Variants in CLVS1 observed in about 807,000 individuals in gnomAD.
The protein encoded by CLVS1 is clavesin-1.
In CLVS1, 10 loss-of-function variants were observed where a neutral mutation model predicts 33.1. The ratio of observed to expected loss-of-function variants is 0.30; its 90% CI spans 0.19 to 0.51. The LOEUF is 0.51. Among genes scored for constraint, CLVS1 ranks in the 20% least tolerant of loss-of-function variants. CLVS1 has a pLI of 0.97. For synonymous variants in CLVS1, 163 were observed against 166.1 expected (o/e 0.98, Z 0.14); for missense variants, 343 against 433.4 (o/e 0.79, Z 1.85).
intron 1 of CLVS1, among the ~76,000 whole-genome samples, chr8:61,131,457 G>A (rs373286585): frequency 8.5e-5 from 13 of 152,268 alleles, no homozygotes; most frequent in African/African-American, 3.1e-4. Context: ...GTGTTTGAGC[G>A]TTTCTGTCTG....
intron 2 of CLVS1, among the ~76,000 whole-genome samples, chr8:61,232,466 C>A (rs1415968124): frequency 6.6e-6 from 1 of 152,132 alleles, no homozygotes; most frequent in Non-Finnish European, 1.5e-5. Flanking sequence ...GTTTGTGGAT[C>A]TTTTTGAGTA....
chr8:61,456,894 G>A (rs909326154), intron 4 of CLVS1, among the ~76,000 whole-genome samples: 3 of 150,208 alleles, frequency 2.0e-5, no homozygotes, highest in African/African-American at 7.4e-5. Flanking sequence ...CTCCAGCTTG[G>A]GCAACAGAGC....
At position 61,202,616 on chromosome 8, in the gene CLVS1, T is replaced by C. The variant is rs547362725; in HGVS notation, c.-152+70756T>C. The C allele has an allele frequency of 5.8e-5, 85 of 1,464,856 alleles. No individual in the cohort carries two copies. The Middle Eastern group carries it at 1.7e-3, about 30-fold the overall frequency. The allele number at this position is 1,464,856 out of a possible 1,614,324, so 90.7% of individuals were successfully genotyped here. On this transcript the variant is annotated intron_variant, in intron 2 of 2. Transcript: ENST00000522621. Reference sequence around the variant, plus strand: ...ATGTCTGTACAGCCAACGGTTTCCCTTGGGGGCTTTGAAACAACACCACCA... The same window carrying C: ...ATGTCTGTACAGCCAACGGTTTCCCCTGGGGGCTTTGAAACAACACCACCA...
chr8:61,074,685 T>C (rs1804875972), intron 1 of CLVS1, among the ~76,000 whole-genome samples: 1 of 152,046 alleles, frequency 6.6e-6, no homozygotes, highest in South Asian at 2.1e-4. Flanking sequence ...AAGTTACTTA[T>C]TCTGTTTTAC....
intron 2 of CLVS1, among the ~76,000 whole-genome samples, chr8:61,153,712 G>A (rs1806591541): frequency 2.0e-5 from 3 of 152,134 alleles, no homozygotes; most frequent in African/African-American, 4.8e-5. Context: ...GAAAGGAGAT[G>A]GGGGTTGCCT....
Position 61,069,712 on chromosome 8 carries a change from C to G in CLVS1, c.-243+12482C>G, listed in dbSNP as rs574457272. Among the ~76,000 whole-genome samples the G allele has an allele frequency of 3.3e-5, 5 of 152,326 alleles. No homozygotes were observed. In the South Asian group the frequency reaches 1.0e-3, roughly 32 times the overall value. Reference sequence around the variant, plus strand: ...GCCCCATCCTTATCTGTTCCTTCTGCCAGTGTTGCTCTTGCAAGTCCTCTG... The same window carrying G: ...GCCCCATCCTTATCTGTTCCTTCTGGCAGTGTTGCTCTTGCAAGTCCTCTG... On this transcript the variant is annotated intron_variant, in intron 1 of 2. Transcript: ENST00000522621.
intron 3 of CLVS1, among the ~76,000 whole-genome samples, chr8:61,393,024 C>T (rs1159583751): frequency 6.6e-6 from 1 of 151,878 alleles, no homozygotes; most frequent in Non-Finnish European, 1.5e-5. Flanking sequence ...GCTGGGATTA[C>T]AGGCAGGTGC....
chr8:61,002,327 G>GTTTTTTTTTTTTTTTTTTTTTTT, the CLVS1 span, among the ~76,000 whole-genome samples: 1 of 98,818 alleles, frequency 1.0e-5, no homozygotes, highest in Non-Finnish European at 1.9e-5. Context: ...ATGCTTGCTT[G>GTTTTTTTTTTTTTTTTTTTTTTT]TTTTTTTTTT....
chr8:61,402,553 T>C lies in CLVS1; in HGVS notation c.630+25774T>C, dbSNP rs550395044. On this transcript the variant is annotated intron_variant, in intron 3 of 5. Coordinates refer to ENST00000325897, the MANE Select transcript of CLVS1 (RefSeq NM_173519.3). The stretch of plus-strand genomic sequence containing the variant: ...CGGTTAACGTACACACACGATTCAA[T>C]GAGATATTAAAAACAGATAATTAAA... Among the ~76,000 whole-genome samples, 4 of 152,228 alleles carry C rather than the reference T, an allele frequency of 2.6e-5. No homozygotes were observed. In the South Asian group the frequency reaches 8.3e-4, roughly 32 times the overall value.
intron 2 of CLVS1, among the ~76,000 whole-genome samples, chr8:61,217,799 A>G (rs1388302881): frequency 6.6e-6 from 1 of 152,214 alleles, no homozygotes; most frequent in African/African-American, 2.4e-5. Context: ...AGGAACTCAA[A>G]CATCTCAACA....
the CLVS1 span, among the ~76,000 whole-genome samples, chr8:61,032,961 CAAGG>C: frequency 0.19 from 15,323 of 79,344 alleles, 3,927 homozygotes; most frequent in Middle Eastern, 0.27. Flanking sequence ...TCAAAAGAAA[CAAGG>C]AAGGAAGGAA....
At chr8:61,485,859 A>C (rs11993631) in intron 5 of CLVS1, among the ~76,000 whole-genome samples, 2,503 of 151,396 alleles carry the variant, frequency 0.017, 66 homozygotes, top group African/African-American at 0.058. Flanking sequence ...AAAACCAAAC[A>C]CCACATGTTC....
At chr8:61,479,547 G>A (rs1263121081) in intron 5 of CLVS1, among the ~76,000 whole-genome samples, 1 of 150,828 alleles carries the variant, frequency 6.6e-6, no homozygotes, top group Non-Finnish European at 1.5e-5. Context: ...CTTTAGCTCG[G>A]AGTAGTTGAT....
intron 5 of CLVS1, among the ~76,000 whole-genome samples, chr8:61,481,163 G>C (rs981007913): frequency 1.3e-5 from 2 of 152,120 alleles, no homozygotes; most frequent in Non-Finnish European, 2.9e-5. Flanking sequence ...TGACTAATAT[G>C]AGCTAATGGA....
chr8:61,291,029 G>T (rs1054459333), intron 1 of CLVS1, among the ~76,000 whole-genome samples: 6 of 152,260 alleles, frequency 3.9e-5, no homozygotes, highest in African/African-American at 1.4e-4. Flanking sequence ...TTTAAGGGAA[G>T]TTTATATTCT....
intron 2 of CLVS1, among the ~76,000 whole-genome samples, chr8:61,143,280 G>A (rs1032055526): frequency 6.6e-5 from 10 of 152,130 alleles, no homozygotes; most frequent in East Asian, 1.9e-4. Flanking sequence ...TGTGGTGACC[G>A]TACAGTCAAC....
chr8:61,485,507 C>G (rs918324057), intron 5 of CLVS1, among the ~76,000 whole-genome samples: 12 of 152,186 alleles, frequency 7.9e-5, no homozygotes, highest in African/African-American at 2.9e-4. Context: ...GGACTGTGAA[C>G]TAGTTCAACC....
chr8:61,217,947 G>A (rs999632872), intron 2 of CLVS1, among the ~76,000 whole-genome samples: 1 of 152,056 alleles, frequency 6.6e-6, no homozygotes, highest in African/African-American at 2.4e-5. Context: ...CAAAACCACA[G>A]TAAAGTATCA....
At position 61,495,568 on chromosome 8, in the gene CLVS1, G is replaced by A. The variant is rs138879244; in HGVS notation, c.978-3887G>A. Among the ~76,000 whole-genome samples, 9 of 152,286 alleles carry A rather than the reference G, an allele frequency of 5.9e-5. No individual in the cohort carries two copies. In the East Asian group the frequency reaches 1.5e-3, roughly 26 times the overall value. ...GGTAACAAATTTCAAGATCCAAAAGGATGGAGATAGATTGGAAACATGAGG... is the reference window on the plus strand; with the variant it reads ...GGTAACAAATTTCAAGATCCAAAAGAATGGAGATAGATTGGAAACATGAGG... On this transcript the variant is annotated intron_variant, in intron 5 of 5. Transcript: ENST00000325897.
Sources: allele counts gnomAD v4.1 joint callset (sites outside exome capture counted in the v4.1 genomes callset), GRCh38; gene constraint gnomAD v4.1.1; transcripts MANE v1.5; gene names NCBI Gene and HGNC (gene_info 2026-07-23, HGNC 2026-07-21).